The following AKAP13 variants were observed in gnomAD, a reference collection of about 807,000 sequenced individuals.
The protein encoded by AKAP13 is A-kinase anchor protein 13.
In AKAP13, 80 loss-of-function variants were observed where a neutral mutation model predicts 264.5. The observed-to-expected ratio is 0.30, with a 90% CI of 0.25 to 0.36. AKAP13 has a LOEUF of 0.36. Among genes scored for constraint, AKAP13 ranks in the 10% least tolerant of loss-of-function variants. The probability of loss-of-function intolerance (pLI) is 1.00; values close to 1 mark genes in which losing one functional copy is unlikely to be tolerated. For synonymous variants in AKAP13, 1,380 were observed against 1,250.2 expected (o/e 1.10, Z -2.19); for missense variants, 3,712 against 3,435.2 (o/e 1.08, Z -2.01).
chr15:85,428,262 C>T (rs971949443), intron 1 of AKAP13, among the ~76,000 whole-genome samples: 1 of 152,166 alleles, frequency 6.6e-6, no homozygotes, highest in Non-Finnish European at 1.5e-5. Flanking sequence ...TGCAATGGTG[C>T]GATCTTGGCT....
rs193259524 is a variant in AKAP13, at chr15:85,400,457, C to T, written c.-12+19659C>T. ...AAATTTAGTTCTGAAAGTACAAATA[C>T]GTATAATCCACATATGTTCCTCAAA... On this transcript the variant is annotated intron_variant, in intron 1 of 36. Coordinates refer to ENST00000394518, the MANE Select transcript of AKAP13 (RefSeq NM_007200.5). Among the ~76,000 whole-genome samples the T allele has an allele frequency of 3.3e-5, 5 of 152,076 alleles. No homozygotes were observed. In the South Asian group the frequency reaches 6.2e-4, roughly 19 times the overall value.
At chr15:85,725,316 T>A (rs2087549046) in intron 26 of AKAP13, among the ~76,000 whole-genome samples, 1 of 151,806 alleles carries the variant, frequency 6.6e-6, no homozygotes, top group Non-Finnish European at 1.5e-5. Context: ...TTTTCTCTGA[T>A]CCACTGACAC....
Position 85,694,330 on chromosome 15 carries a change from G to A in AKAP13, c.5464+879G>A, listed in dbSNP as rs138947257. ...AGGCAGGAGTTGCTTAACTTTTTCT[G>A]TACAAGACCAGATAAAAAGTATCTT... is the stretch of plus-strand genomic sequence containing the variant. On this transcript the variant is annotated intron_variant, in intron 17 of 36. Coordinates refer to ENST00000394518, the MANE Select transcript of AKAP13 (RefSeq NM_007200.5). 5.1e-3 allele frequency among the ~76,000 whole-genome samples: 773 copies of A among 152,256 alleles called. 14 individuals are homozygous for A. The highest frequency in any genetic ancestry group is 0.011 in the Admixed American group (167 of 15,292).
At chr15:85,658,707 A>G in intron 12 of AKAP13, 117 bp downstream of exon 12, 1 of 730,786 alleles carries the variant, frequency 1.4e-6, no homozygotes, top group East Asian at 3.0e-5. Context: ...TGTCCCATCT[A>G]ATTCAGGCAA....
chr15:85,676,658 T>C (rs1425210213), intron 14 of AKAP13, among the ~76,000 whole-genome samples: 2 of 152,146 alleles, frequency 1.3e-5, no homozygotes, highest in Non-Finnish European at 2.9e-5. Flanking sequence ...GAGAGCCAGA[T>C]ATAAAATCCT....
At position 85,735,021 on chromosome 15, in the gene AKAP13, A is replaced by G; in HGVS notation, c.7312A>G (p.Asn2438Asp). 6.2e-7 allele frequency: 1 copy of G among 1,614,154 alleles called. No individual in the cohort carries two copies. Among genetic ancestry groups the G allele is most frequent in the Non-Finnish European group, 8.5e-7 (1 of 1,180,008 alleles). The change falls in exon 31 of 37, where the codon AAT (asparagine) becomes GAT (aspartate). Residue 2438 changes from asparagine (N) to aspartate (D), a missense_variant. Coordinates refer to ENST00000394518, the MANE Select transcript of AKAP13 (RefSeq NM_007200.5). ...VEILQGLVSG[N>D]LGGTLGPTVS... ...GATCCTTCAGGGTTTGGTGAGTGGA[A>G]ATCTGGGAGGCACACTTGGGCCGAC... is the stretch of plus-strand genomic sequence containing the variant.
intron 31 of AKAP13, 78 bp from the exon 32 acceptor site, chr15:85,735,482 G>C: frequency 1.4e-6 from 2 of 1,449,450 alleles, no homozygotes; most frequent in Admixed American, 4.0e-5. Context: ...ACATCCCCAA[G>C]ATGCCTATAT....
At chr15:85,657,469 A>G (rs1209964628) in intron 11 of AKAP13, among the ~76,000 whole-genome samples, 2 of 152,184 alleles carry the variant, frequency 1.3e-5, no homozygotes, top group African/African-American at 4.8e-5. Context: ...CCATGAGTCG[A>G]GTGGTATTAT....
At chr15:85,570,375 C>G (rs539311379) in intron 5 of AKAP13, among the ~76,000 whole-genome samples, 8 of 152,298 alleles carry the variant, frequency 5.3e-5, no homozygotes, top group Non-Finnish European at 1.0e-4. Context: ...TCTCTTGAAC[C>G]TGGGAGGCAG....
chr15:85,674,379 T>A (rs2084099897), intron 14 of AKAP13, among the ~76,000 whole-genome samples: 1 of 152,204 alleles, frequency 6.6e-6, no homozygotes, highest in South Asian at 2.1e-4. Flanking sequence ...CAAATGAATT[T>A]CATGTTCAGA....
Position 85,745,220 on chromosome 15 carries a change from C to G in AKAP13, c.*543C>G, listed in dbSNP as rs1448056314. On this transcript the variant is annotated 3_prime_UTR_variant, in exon 37 of 37. Coordinates refer to ENST00000394518, the MANE Select transcript of AKAP13 (RefSeq NM_007200.5). Reference sequence around the variant, plus strand: ...GGACGGACCCGGAGCCCCCGCATATCAGCAGTTCACCCAGTACTCCTCAGA... The same window carrying G: ...GGACGGACCCGGAGCCCCCGCATATGAGCAGTTCACCCAGTACTCCTCAGA... 1 of 152,970 alleles carries G rather than the reference C, an allele frequency of 6.5e-6. No homozygotes were observed. The highest frequency in any genetic ancestry group is 1.5e-5 in the Non-Finnish European group (1 of 68,556). 9.5% of individuals were successfully genotyped at this position (152,970 alleles called of 1,614,324 possible). A position where few individuals can be genotyped will look rare whatever the true frequency, so the allele number is the denominator to read the frequency against.
chr15:85,650,115 A>C (rs1055902035), intron 10 of AKAP13, among the ~76,000 whole-genome samples: 11 of 152,208 alleles, frequency 7.2e-5, no homozygotes, highest in African/African-American at 2.4e-4. Context: ...TTAAAAAAAA[A>C]CAATAAACCT....
In AKAP13 at chr15:85,745,787, G is replaced by A. The variant is rs1272516772; in HGVS notation, c.*1110G>A. On this transcript the variant is annotated 3_prime_UTR_variant, in exon 37 of 37. Transcript: ENST00000394518. ...AAGCCATGTGTAGCAGTTCCTGCCA[G>A]TGCAGATCTGGAGAGGAGCTGGCCC... 1 of 152,336 alleles carries A rather than the reference G, an allele frequency of 6.6e-6. No homozygotes were observed. Among genetic ancestry groups the A allele is most frequent in the Non-Finnish European group, 1.5e-5 (1 of 68,106 alleles). The allele number at this position is 152,336 out of a possible 1,614,324, so 9.4% of individuals were successfully genotyped here.
chr15:85,638,372 T>C (rs1464423479), intron 8 of AKAP13, among the ~76,000 whole-genome samples: 1 of 152,196 alleles, frequency 6.6e-6, no homozygotes, highest in Non-Finnish European at 1.5e-5. Context: ...TGATACAATA[T>C]GAACATTTGT....
chr15:85,619,763 G>T, intron 8 of AKAP13: 1 of 1,047,564 alleles, frequency 9.5e-7, no homozygotes, highest in Non-Finnish European at 1.1e-6. Context: ...TGATGGAAAC[G>T]GTGTTTGCTT....
At chr15:85,629,117 A>G (rs1222780828) in intron 8 of AKAP13, among the ~76,000 whole-genome samples, 3 of 152,114 alleles carry the variant, frequency 2.0e-5, no homozygotes, top group Non-Finnish European at 4.4e-5. Flanking sequence ...AGATTGCTTG[A>G]GCCCAGGAGT....
At chr15:85,493,491 TGAAACTGTAAG>T in intron 2 of AKAP13, among the ~76,000 whole-genome samples, 1 of 152,266 alleles carries the variant, frequency 6.6e-6, no homozygotes, top group South Asian at 2.1e-4. Context: ...GTGGAACCTT[TGAAACTGTAAG>T]GAAATCCTTA....
At chr15:85,734,702 A>G (rs1229331455) in intron 30 of AKAP13, among the ~76,000 whole-genome samples, 1 of 152,230 alleles carries the variant, frequency 6.6e-6, no homozygotes, top group Non-Finnish European at 1.5e-5. Flanking sequence ...TGCTTTGGAT[A>G]TGATTCCAGA....
chr15:85,555,244 T>G, intron 5 of AKAP13: 1 of 161,836 alleles, frequency 6.2e-6, no homozygotes, highest in Non-Finnish European at 1.3e-5. Context: ...TTGAGTAGAG[T>G]TGTGGTTGGG....
Sources: gnomAD v4.1 joint callset for allele counts (sites outside exome capture counted in the v4.1 genomes callset) on GRCh38, gnomAD v4.1.1 for gene constraint, MANE v1.5 for transcripts, NCBI Gene and HGNC (gene_info 2026-07-23, HGNC 2026-07-21) for gene names.